Variants in PCDHGA8 observed in about 807,000 individuals in gnomAD.
PCDHGA8 encodes protocadherin gamma-A8.
Under a neutral mutation model 59.2 loss-of-function variants are expected in PCDHGA8, and 45 were observed. That is an observed-to-expected ratio of 0.76 (90% confidence interval 0.60 to 0.98). The LOEUF is 0.98. Ranked by LOEUF, PCDHGA8 falls within the 50% of genes least tolerant of loss-of-function variation. The probability of loss-of-function intolerance (pLI) is 0.00; values close to 1 mark genes in which losing one functional copy is unlikely to be tolerated. For synonymous variants in PCDHGA8, 531 were observed against 519.0 expected (o/e 1.02, Z -0.32); for missense variants, 1,257 against 1,196.2 (o/e 1.05, Z -0.75).
chr5:141,394,631 C>T lies in PCDHGA8; in HGVS notation c.1818C>T (p.Tyr606=), dbSNP rs1402672360. The change falls in exon 1 of 4, where the codon TAC becomes TAT. Residue 606 remains tyrosine, a synonymous_variant. Coordinates refer to ENST00000398604, the MANE Select transcript of PCDHGA8 (RefSeq NM_032088.2). The part of the protein sequence containing the change: ...RDSGQNAWLS[Y]RLLKASEPGL... ...CGGGCCAGAACGCCTGGCTGTCCTA[C>T]CGCCTGCTCAAGGCCAGCGAGCCGG... is the stretch of plus-strand genomic sequence containing the variant. 1.9e-6 allele frequency: 3 copies of T among 1,613,354 alleles called. No homozygotes were observed. Among genetic ancestry groups the T allele is most frequent in the Admixed American group, 1.7e-5 (1 of 59,990 alleles).
At position 141,491,251 on chromosome 5, in the gene PCDHGA8, C is replaced by A; in HGVS notation, c.2425-3556C>A. On this transcript the variant is annotated intron_variant, in intron 1 of 3. Coordinates refer to ENST00000398604, the MANE Select transcript of PCDHGA8 (RefSeq NM_032088.2). This position sits in a 1 kb window ranked among gnomAD's most constrained non-coding sequence, Gnocchi z 6.9. ...GCTGCTGGTTCTGGAGGATGAGGAC[C>A]CTGAGGAAATGCCCAAATCCAGTGA... 6.2e-7 allele frequency: 1 copy of A among 1,614,144 alleles called. No homozygotes were observed. Among genetic ancestry groups the A allele is most frequent in the Non-Finnish European group, 8.5e-7 (1 of 1,180,016 alleles).
chr5:141,398,889 C>A (rs1300521650), intron 1 of PCDHGA8: 2 of 1,613,958 alleles, frequency 1.2e-6, no homozygotes, highest in Non-Finnish European at 1.7e-6. Context: ...TTCGGGAAAA[C>A]GTGCCACCAG....
intron 2 of PCDHGA8, among the ~76,000 whole-genome samples, chr5:141,496,116 C>G (rs1435887981): frequency 6.6e-6 from 1 of 152,178 alleles, no homozygotes; most frequent in Middle Eastern, 3.4e-3. Flanking sequence ...TCTCTTCCTT[C>G]CCTGCCCCTC....
chr5:141,407,505 T>TTTTTTTTTTTTTTTTTTTTTTG (rs1460306566), intron 1 of PCDHGA8, among the ~76,000 whole-genome samples: 3 of 152,144 alleles, frequency 2.0e-5, no homozygotes, highest in African/African-American at 4.8e-5. Flanking sequence ...CTGTTTTTCT[T>TTTTTTTTTTTTTTTTTTTTTTG]AGGCTATGTA....
At chr5:141,451,624 G>A (rs1016417101) in intron 1 of PCDHGA8, among the ~76,000 whole-genome samples, 3 of 152,150 alleles carry the variant, frequency 2.0e-5, no homozygotes, top group African/African-American at 7.2e-5. Context: ...GCTCAAACCT[G>A]TAATTCCAGC....
At chr5:141,479,023 GT>G (rs1436478867) in intron 1 of PCDHGA8, among the ~76,000 whole-genome samples, 1 of 152,056 alleles carries the variant, frequency 6.6e-6, no homozygotes, top group Non-Finnish European at 1.5e-5. Context: ...ATTTTCCTTT[GT>G]TTATACAGAT....
At chr5:141,425,860 A>G (rs1445251215) in intron 1 of PCDHGA8, among the ~76,000 whole-genome samples, 1 of 152,248 alleles carries the variant, frequency 6.6e-6, no homozygotes, top group Non-Finnish European at 1.5e-5. Context: ...TGACTGTTCT[A>G]TAGATTCCCA....
chr5:141,415,350 G>C, intron 1 of PCDHGA8: 1 of 1,614,228 alleles, frequency 6.2e-7, no homozygotes, highest in Non-Finnish European at 8.5e-7. Context: ...GCTGGCACAA[G>C]TCACGCCTGC....
intron 1 of PCDHGA8, chr5:141,421,232 C>T (rs748347420): frequency 2.5e-6 from 4 of 1,590,252 alleles, no homozygotes; most frequent in African/African-American, 2.7e-5. Flanking sequence ...CCTGCCATGG[C>T]GAATCGGCTA....
chr5:141,427,805 A>G lies in PCDHGA8; in HGVS notation c.2424+32568A>G, dbSNP rs1010656936. The G allele has an allele frequency of 3.3e-6, 5 of 1,520,154 alleles. No homozygotes were observed. In the African/African-American group the frequency reaches 4.1e-5, roughly 12 times the overall value. 94.2% of individuals were successfully genotyped at this position (1,520,154 alleles called of 1,614,324 possible). ...TGTCGTCCTACGTGTCCGTGAGCGC[A>G]CAGAGCGGGGTGGTGGTCGCGCAGC... On this transcript the variant is annotated intron_variant, in intron 1 of 3. Coordinates refer to ENST00000398604, the MANE Select transcript of PCDHGA8 (RefSeq NM_032088.2).
chr5:141,490,288 G>A lies in PCDHGA8; in HGVS notation c.2425-4519G>A. On this transcript the variant is annotated intron_variant, in intron 1 of 3. Coordinates refer to ENST00000398604, the MANE Select transcript of PCDHGA8 (RefSeq NM_032088.2). The surrounding 1 kb of genome is among the most constrained non-coding windows in gnomAD (Gnocchi z 5.4). ...GGATGTCAATGACAATGCCCCAGAG[G>A]TGCTATTGGCCTCTTTGGCCAACCC... The A allele has an allele frequency of 3.7e-6, 6 of 1,614,198 alleles. No individual in the cohort carries two copies. The highest frequency in any genetic ancestry group is 5.1e-6 in the Non-Finnish European group (6 of 1,180,042).
chr5:141,470,130 A>G (rs915991313), intron 1 of PCDHGA8, among the ~76,000 whole-genome samples: 4 of 151,534 alleles, frequency 2.6e-5, no homozygotes, highest in African/African-American at 4.9e-5. Flanking sequence ...CTTCGTCTCA[A>G]AAAAAAAGAT....
At chr5:141,413,931 A>T (rs776911095) in intron 1 of PCDHGA8, 1 of 1,613,254 alleles carries the variant, frequency 6.2e-7, no homozygotes, top group Non-Finnish European at 8.5e-7. Flanking sequence ...CAGAATACCG[A>T]GTGAGTGTTC....
Position 141,487,506 on chromosome 5 carries a change from C to T in PCDHGA8, c.2425-7301C>T. 1 of 1,614,220 alleles carries T rather than the reference C, an allele frequency of 6.2e-7. No homozygotes were observed. The highest frequency in any genetic ancestry group is 8.5e-7 in the Non-Finnish European group (1 of 1,180,046). On this transcript the variant is annotated intron_variant, in intron 1 of 3. Coordinates refer to ENST00000398604, the MANE Select transcript of PCDHGA8 (RefSeq NM_032088.2). The surrounding 1 kb of genome is among the most constrained non-coding windows in gnomAD (Gnocchi z 5.0). ...CATGGCTGTACACCCTTGGCTTCTG[C>T]ACCCACTCGGAGTGATAGCTTCATG...
chr5:141,403,547 G>T (rs940508173), intron 1 of PCDHGA8: 8 of 1,613,888 alleles, frequency 5.0e-6, no homozygotes, highest in African/African-American at 1.3e-5. Flanking sequence ...GCTGGAGCGC[G>T]CCCTGGACAG....
chr5:141,491,712 G>A lies in PCDHGA8; in HGVS notation c.2425-3095G>A, dbSNP rs932849130. On this transcript the variant is annotated intron_variant, in intron 1 of 3. Coordinates refer to ENST00000398604, the MANE Select transcript of PCDHGA8 (RefSeq NM_032088.2). The surrounding 1 kb of genome is among the most constrained non-coding windows in gnomAD (Gnocchi z 6.9). Reference sequence around the variant, plus strand: ...GGGAGCGGAGCCAGGTGAGGGGCTCGGCGCCGCCCCGGGCGACCCCTGGGG... The same window carrying A: ...GGGAGCGGAGCCAGGTGAGGGGCTCAGCGCCGCCCCGGGCGACCCCTGGGG... The A allele has an allele frequency of 1.2e-6, 2 of 1,609,290 alleles. No homozygotes were observed. Among genetic ancestry groups the A allele is most frequent in the East Asian group, 2.2e-5 (1 of 44,760 alleles).
intron 1 of PCDHGA8, among the ~76,000 whole-genome samples, chr5:141,457,537 T>C (rs967428207): frequency 6.6e-6 from 1 of 152,228 alleles, no homozygotes; most frequent in Non-Finnish European, 1.5e-5. Context: ...TAGGGTTTAA[T>C]GACAAATGTA....
Position 141,511,313 on chromosome 5 carries a change from C to T in PCDHGA8, c.*140C>T. ...CCAAGGCCATGCTCCCCTTGGGAAA[C>T]AGAAACAAGTGCCCAGTCAGCACCT... On this transcript the variant is annotated 3_prime_UTR_variant, in exon 4 of 4. Transcript: ENST00000398604. 2 of 1,482,944 alleles carry T rather than the reference C, an allele frequency of 1.3e-6. No homozygotes were observed. The highest frequency in any genetic ancestry group is 2.3e-5 in the Admixed American group (1 of 43,596). 91.9% of individuals were successfully genotyped at this position (1,482,944 alleles called of 1,614,324 possible).
Position 141,392,728 on chromosome 5 carries a change from G to T in PCDHGA8, c.-86G>T. 1 of 1,407,730 alleles carries T rather than the reference G, an allele frequency of 7.1e-7. No homozygotes were observed. The highest frequency in any genetic ancestry group is 9.3e-7 in the Non-Finnish European group (1 of 1,073,630). The allele number at this position is 1,407,730 out of a possible 1,614,324, so 87.2% of individuals were successfully genotyped here. A position where few individuals can be genotyped will look rare whatever the true frequency, so the allele number is the denominator to read the frequency against. ...AGGCACTCCAGGTTTCCGGAGGATT[G>T]TCATCTCCATAGCTGCGGCAAGAAA... On this transcript the variant is annotated 5_prime_UTR_variant, in exon 1 of 4. Coordinates refer to ENST00000398604, the MANE Select transcript of PCDHGA8 (RefSeq NM_032088.2).
Sources: gnomAD v4.1 joint callset for allele counts (sites outside exome capture counted in the v4.1 genomes callset) on GRCh38, gnomAD v4.1.1 for gene constraint, Gnocchi (gnomAD v3.1) non-coding constraint, MANE v1.5 for transcripts, NCBI Gene and HGNC (gene_info 2026-07-23, HGNC 2026-07-21) for gene names.